The following DACH2 variants were observed in gnomAD, a reference collection of about 807,000 sequenced individuals.
The protein encoded by DACH2 is dachshund homolog 2.
In DACH2, 17 loss-of-function variants were observed where a neutral mutation model predicts 35.8. The ratio of observed to expected loss-of-function variants is 0.48; its 90% confidence interval spans 0.33 to 0.71. DACH2 has a LOEUF of 0.71. Ranked by LOEUF, DACH2 falls within the 30% of genes least tolerant of loss-of-function variation. The pLI, the probability that DACH2 is intolerant of heterozygous loss-of-function variation, is 0.02. For synonymous variants in DACH2, 195 were observed against 177.3 expected, an observed-to-expected ratio of 1.10 and a Z score of -0.79; for missense variants, 469 against 472.7, an observed-to-expected ratio of 0.99 and a Z score of 0.07.
chrX:86,151,490 C>T (rs1282853039), intron 1 of DACH2, among the ~76,000 whole-genome samples: 1 of 110,413 alleles, frequency 9.1e-6, no homozygotes, highest in Non-Finnish European at 1.9e-5. Flanking sequence ...GAATGCAATC[C>T]ATCAGTGAAG....
At chrX:86,431,040 T>G (rs1291609579) in intron 2 of DACH2, among the ~76,000 whole-genome samples, 1 of 112,025 alleles carries the variant, frequency 8.9e-6, no homozygotes, top group African/African-American at 3.2e-5. Context: ...AGTTTTGTAT[T>G]TTATTTATTG....
intron 3 of DACH2, among the ~76,000 whole-genome samples, chrX:86,585,563 C>A (rs1326932067): frequency 9.0e-6 from 1 of 110,533 alleles, no homozygotes; most frequent in African/African-American, 3.3e-5. Context: ...CCTCCTCCAA[C>A]CTTCCATCCT....
chrX:86,444,380 G>A (rs749595041), intron 2 of DACH2, among the ~76,000 whole-genome samples: 11 of 111,865 alleles, frequency 9.8e-5, no homozygotes, highest in East Asian at 2.8e-4. Context: ...TTGAGCCATC[G>A]TGTGTGGCTA....
intron 3 of DACH2, among the ~76,000 whole-genome samples, chrX:86,597,975 A>G (rs1014958433): frequency 1.8e-5 from 2 of 111,809 alleles, no homozygotes; most frequent in African/African-American, 6.5e-5. Flanking sequence ...TCATGGTGGA[A>G]GGTGAAAGGC....
At chrX:86,720,344 A>C (rs757780320) in intron 6 of DACH2, among the ~76,000 whole-genome samples, 119 of 111,555 alleles carry the variant, frequency 1.1e-3, no homozygotes, top group African/African-American at 3.6e-3. Flanking sequence ...TGAGTCTGTA[A>C]AATGAAAAGC....
At chrX:86,508,373 A>G (rs1330861819) in intron 2 of DACH2, among the ~76,000 whole-genome samples, 1 of 110,237 alleles carries the variant, frequency 9.1e-6, no homozygotes, top group Non-Finnish European at 1.9e-5. Flanking sequence ...AGCCTGACCA[A>G]TATGGCAAAA....
At chrX:86,218,353 TTAAA>T (rs1253676675) in intron 1 of DACH2, among the ~76,000 whole-genome samples, 11 of 112,050 alleles carry the variant, frequency 9.8e-5, no homozygotes, top group South Asian at 7.3e-4. Flanking sequence ...TGATTATTAT[TTAAA>T]TAGTCTCCTC....
chrX:86,194,642 G>C (rs969635007), intron 1 of DACH2, among the ~76,000 whole-genome samples: 2 of 112,672 alleles, frequency 1.8e-5, no homozygotes, highest in African/African-American at 6.4e-5. Flanking sequence ...GAAGGAGACA[G>C]ACCCCTTGAC....
intron 1 of DACH2, among the ~76,000 whole-genome samples, chrX:86,195,186 C>G (rs1158125720): frequency 1.2e-4 from 13 of 112,489 alleles, no homozygotes; most frequent in African/African-American, 3.9e-4. Context: ...TGCATGCACT[C>G]TGCCCTTCCA....
At chrX:86,343,712 G>T (rs1430402846) in intron 1 of DACH2, among the ~76,000 whole-genome samples, 2 of 111,460 alleles carry the variant, frequency 1.8e-5, no homozygotes, top group Non-Finnish European at 3.8e-5. Context: ...TAGACTGAGG[G>T]TGTATCCCAA....
Position 86,797,380 on chromosome X carries a change from G to A in DACH2, c.1241-15476G>A, listed in dbSNP as rs183214203. Among the ~76,000 whole-genome samples the A allele has an allele frequency of 1.6e-3, 180 of 110,559 alleles. 1 individual carries two copies. Among genetic ancestry groups the A allele is most frequent in the African/African-American group, 5.7e-3 (175 of 30,588 alleles). On this transcript the variant is annotated intron_variant, in intron 7 of 11. Coordinates refer to ENST00000373125, the MANE Select transcript of DACH2 (RefSeq NM_053281.3). ...CACTCTTACTGTCTGCATAAACCCA[G>A]CCTCAGCATAGACATAGTTTTATAT...
At chrX:86,312,159 T>C (rs1420180126) in intron 1 of DACH2, among the ~76,000 whole-genome samples, 6 of 112,375 alleles carry the variant, frequency 5.3e-5, no homozygotes, top group Non-Finnish European at 9.4e-5. Context: ...GTCATGAGTA[T>C]TTCCTCCTTC....
At chrX:86,628,475 A>C (rs375585714) in intron 3 of DACH2, among the ~76,000 whole-genome samples, 30 of 112,209 alleles carry the variant, frequency 2.7e-4, no homozygotes, top group East Asian at 2.5e-3. Context: ...GGCTAGACAA[A>C]CACTATCCTC....
intron 1 of DACH2, among the ~76,000 whole-genome samples, chrX:86,253,277 C>T (rs1057343363): frequency 9.0e-5 from 10 of 111,269 alleles, no homozygotes; most frequent in Admixed American, 6.7e-4. Flanking sequence ...AAATCATAGA[C>T]GACACAAACA....
At chrX:86,635,582 G>A (rs73245381) in intron 3 of DACH2, among the ~76,000 whole-genome samples, 13,738 of 110,621 alleles carry the variant, frequency 0.12, 740 homozygotes, top group East Asian at 0.32. Context: ...AAGAGAGGAG[G>A]TCAAGCAATC....
intron 2 of DACH2, among the ~76,000 whole-genome samples, chrX:86,430,272 T>G (rs760297397): frequency 1.8e-5 from 2 of 112,393 alleles, no homozygotes; most frequent in Non-Finnish European, 3.8e-5. Context: ...TTTTGAAATA[T>G]GGCTAGACAA....
At chrX:86,532,214 T>G (rs1286560277) in intron 3 of DACH2, among the ~76,000 whole-genome samples, 1 of 112,128 alleles carries the variant, frequency 8.9e-6, no homozygotes, top group Non-Finnish European at 1.9e-5. Flanking sequence ...TTAGAGTTAA[T>G]GCTGGAATGA....
At chrX:86,620,911 G>C (rs769423616) in intron 3 of DACH2, among the ~76,000 whole-genome samples, 1 of 111,489 alleles carries the variant, frequency 9.0e-6, no homozygotes, top group African/African-American at 3.2e-5. Context: ...AGTATAGAGA[G>C]TCCTTAATCT....
Position 86,177,448 on chromosome X carries a change from T to G in DACH2, c.488+28340T>G, listed in dbSNP as rs1334899327. 2.7e-5 allele frequency among the ~76,000 whole-genome samples: 3 copies of G among 112,228 alleles called. No individual in the cohort carries two copies. The East Asian group carries it at 8.4e-4, about 31-fold the overall frequency. ...AGTCTTTGACTACTCTTGGGATTTC[T>G]GTGACCTTAGAGGTTTGGTGATGAA... is the stretch of plus-strand genomic sequence containing the variant. On this transcript the variant is annotated intron_variant, in intron 1 of 11. Transcript: ENST00000373125.
Sources: gnomAD v4.1 joint callset for allele counts (sites outside exome capture counted in the v4.1 genomes callset) on GRCh38, gnomAD v4.1.1 for gene constraint, MANE v1.5 for transcripts, NCBI Gene and HGNC (gene_info 2026-07-23, HGNC 2026-07-21) for gene names.